Variants in BMP7 observed in about 807,000 individuals in gnomAD.
BMP7 encodes the protein osteogenic protein 1.
A neutral mutation model predicts 41.2 loss-of-function variants in BMP7; 12 were observed. The observed-to-expected ratio is 0.29, with a 90% CI of 0.19 to 0.47. The LOEUF (loss-of-function observed/expected upper bound fraction) is 0.47, where lower values mean the gene tolerates loss of function less well. Among genes scored for constraint, BMP7 ranks in the 20% least tolerant of loss-of-function variants. The pLI is 0.99. For synonymous variants in BMP7, 248 were observed against 250.0 expected (o/e 0.99, Z 0.07); for missense variants, 467 against 606.0 (o/e 0.77, Z 2.41).
At position 57,173,442 on chromosome 20, in the gene BMP7, G is replaced by A. The variant is rs900981560; in HGVS notation, c.1036-132C>T. 5.7e-5 allele frequency: 48 copies of A among 848,586 alleles called. No homozygotes were observed. In the African/African-American group the frequency reaches 6.5e-4, roughly 12 times the overall value. 52.6% of individuals were successfully genotyped at this position (848,586 alleles called of 1,614,324 possible). ...GGAAGCCTCAGACCATGCCTTCTGA[G>A]CAGCAGGGGGCCCAGCAGGGGCAGG... On this transcript the variant is annotated intron_variant, in intron 5 of 6. Transcript: ENST00000395863.
At chr20:57,226,821 A>G (rs1447273603) in intron 2 of BMP7, among the ~76,000 whole-genome samples, 1 of 147,566 alleles carries the variant, frequency 6.8e-6, no homozygotes, top group Non-Finnish European at 1.5e-5. Context: ...GCCTACTCAA[A>G]AACTTTTTTT....
chr20:57,257,370 TA>T (rs1233211871), intron 1 of BMP7, among the ~76,000 whole-genome samples: 1 of 152,148 alleles, frequency 6.6e-6, no homozygotes, highest in Non-Finnish European at 1.5e-5. Flanking sequence ...CAAACTTAAT[TA>T]AATTATATTA....
chr20:57,208,119 G>A (rs1002888347), intron 2 of BMP7, among the ~76,000 whole-genome samples: 5 of 152,044 alleles, frequency 3.3e-5, no homozygotes, highest in African/African-American at 1.2e-4. Context: ...GTGAGCCACC[G>A]CACCCGGCCC....
At chr20:57,184,054 T>A in intron 3 of BMP7, 135 bp from the exon 4 acceptor site, 1 of 1,051,416 alleles carries the variant, frequency 9.5e-7, no homozygotes, top group Non-Finnish European at 1.4e-6. Flanking sequence ...ATTTATTGAG[T>A]ACTCACTCTA....
intron 1 of BMP7, among the ~76,000 whole-genome samples, chr20:57,264,800 G>C (rs955980515): frequency 1.3e-5 from 2 of 152,194 alleles, no homozygotes; most frequent in African/African-American, 4.8e-5. Flanking sequence ...GGGAGGCTGA[G>C]GCGGGAGGAT....
intron 3 of BMP7, among the ~76,000 whole-genome samples, chr20:57,193,675 C>T (rs1984428041): frequency 6.6e-6 from 1 of 152,196 alleles, no homozygotes; most frequent in African/African-American, 2.4e-5. Context: ...GTTTATCCAT[C>T]CATCTGGTGG....
At chr20:57,190,181 G>A (rs1322882021) in intron 3 of BMP7, among the ~76,000 whole-genome samples, 3 of 151,936 alleles carry the variant, frequency 2.0e-5, no homozygotes, top group South Asian at 2.1e-4. Context: ...CCAGGAATCA[G>A]AGGAGGTGAG....
chr20:57,257,990 G>C (rs1051277444), intron 1 of BMP7, among the ~76,000 whole-genome samples: 4 of 152,142 alleles, frequency 2.6e-5, no homozygotes, highest in Non-Finnish European at 1.5e-5. Flanking sequence ...GGAAGCACAA[G>C]ACAGGGCAGG....
At chr20:57,246,926 T>C (rs537280217) in intron 1 of BMP7, among the ~76,000 whole-genome samples, 16 of 152,170 alleles carry the variant, frequency 1.1e-4, no homozygotes, top group African/African-American at 3.9e-4. Flanking sequence ...AAGGCAGAAG[T>C]TGCAGTGAGC....
chr20:57,235,764 A>G (rs1345293811), intron 1 of BMP7, among the ~76,000 whole-genome samples: 1 of 152,236 alleles, frequency 6.6e-6, no homozygotes, highest in Non-Finnish European at 1.5e-5. Context: ...CAAATTCCTC[A>G]TTGGGAAAAT....
intron 4 of BMP7, among the ~76,000 whole-genome samples, chr20:57,175,445 C>T (rs1983902258): frequency 6.6e-6 from 1 of 152,216 alleles, no homozygotes; most frequent in African/African-American, 2.4e-5. Flanking sequence ...ACACTCATCC[C>T]TCTGCAGGGG....
rs562665028 is a variant in BMP7 at position 57,228,980 on chromosome 20, A to T, written c.419-559T>A. Among the ~76,000 whole-genome samples, 1 of 152,360 alleles carries T rather than the reference A, an allele frequency of 6.6e-6. No individual in the cohort carries two copies. Among genetic ancestry groups the T allele is most frequent in the South Asian group, 2.1e-4 (1 of 4,826 alleles). On this transcript the variant is annotated intron_variant, in intron 1 of 6. Coordinates refer to ENST00000395863, the MANE Select transcript of BMP7 (RefSeq NM_001719.3). The surrounding 1 kb of genome is among the most constrained non-coding windows in gnomAD (Gnocchi z 4.5). The stretch of plus-strand genomic sequence containing the variant: ...CCTAGTATGAGACATCTCTAGGACC[A>T]GGGGTTCTCAGCCCTGAATGCACAT...
intron 1 of BMP7, among the ~76,000 whole-genome samples, chr20:57,239,374 G>C (rs2066060558): frequency 6.6e-6 from 1 of 152,230 alleles, no homozygotes; most frequent in Non-Finnish European, 1.5e-5. Context: ...GCAAGAGGTG[G>C]CTTCCCATGG....
At chr20:57,249,320 T>A (rs1249660970) in intron 1 of BMP7, among the ~76,000 whole-genome samples, 1 of 151,876 alleles carries the variant, frequency 6.6e-6, no homozygotes, top group East Asian at 2.0e-4. Flanking sequence ...ATGATACAGG[T>A]CCTACACTCA....
intron 3 of BMP7, among the ~76,000 whole-genome samples, chr20:57,201,235 T>C (rs1257560275): frequency 2.0e-5 from 3 of 152,194 alleles, no homozygotes; most frequent in Non-Finnish European, 4.4e-5. Context: ...AACAACCCAA[T>C]GGCCCAAATC....
chr20:57,240,307 A>AT (rs1323450869), intron 1 of BMP7, among the ~76,000 whole-genome samples: 1 of 152,234 alleles, frequency 6.6e-6, no homozygotes, highest in Non-Finnish European at 1.5e-5. Context: ...TTGCTAAAAC[A>AT]TAACAAGAGT....
chr20:57,203,054 C>T (rs1053723995), intron 2 of BMP7, among the ~76,000 whole-genome samples: 12 of 152,078 alleles, frequency 7.9e-5, no homozygotes, highest in Non-Finnish European at 1.5e-4. Context: ...TCCCACAACC[C>T]GAAGCTGTGG....
intron 1 of BMP7, among the ~76,000 whole-genome samples, chr20:57,263,032 T>G (rs1470955021): frequency 2.6e-5 from 4 of 152,226 alleles, no homozygotes; most frequent in African/African-American, 9.6e-5. Flanking sequence ...ATTTGTGTGC[T>G]GCTGCTTAGC....
chr20:57,176,736 C>T (rs987383081), intron 4 of BMP7, among the ~76,000 whole-genome samples: 15 of 141,826 alleles, frequency 1.1e-4, no homozygotes, highest in South Asian at 2.3e-4. Flanking sequence ...TTTGAAACTA[C>T]GCACATTCTC....
Sources: gnomAD v4.1 joint callset for allele counts (sites outside exome capture counted in the v4.1 genomes callset) on GRCh38, gnomAD v4.1.1 for gene constraint, Gnocchi (gnomAD v3.1) non-coding constraint, MANE v1.5 for transcripts, NCBI Gene and HGNC (gene_info 2026-07-23, HGNC 2026-07-21) for gene names.